LRRC63: variants seen among roughly 807,000 people sequenced by gnomAD.
LRRC63 encodes leucine-rich repeat-containing protein 63.
A neutral mutation model predicts 49.5 loss-of-function variants in LRRC63; 40 were observed. That is an observed-to-expected ratio of 0.81 (90% CI 0.63 to 1.05). The LOEUF (loss-of-function observed/expected upper bound fraction) is 1.05. Among genes scored for constraint, LRRC63 ranks in the 50% least tolerant of loss-of-function variants. The pLI is 0.00. For synonymous variants in LRRC63, 191 were observed against 221.1 expected (o/e 0.86, Z 1.21); for missense variants, 636 against 663.1 (o/e 0.96, Z 0.45).
At chr13:46,257,474 C>T (rs1425388163) in intron 7 of LRRC63, among the ~76,000 whole-genome samples, 1 of 103,244 alleles carries the variant, frequency 9.7e-6, no homozygotes, top group Non-Finnish European at 1.7e-5. Flanking sequence ...TCAAAGATTT[C>T]AACTCTTGTG....
chr13:46,246,185 A>G (rs773301259), intron 5 of LRRC63, among the ~76,000 whole-genome samples: 1 of 152,166 alleles, frequency 6.6e-6, no homozygotes, highest in Non-Finnish European at 1.5e-5. Flanking sequence ...AGGCCTCCCC[A>G]GAAGCTGAGC....
chr13:46,234,966 A>G (rs2046865226), intron 5 of LRRC63, among the ~76,000 whole-genome samples: 1 of 152,194 alleles, frequency 6.6e-6, no homozygotes, highest in Non-Finnish European at 1.5e-5. Flanking sequence ...AGTTGTAAAA[A>G]TAGGAAAAGC....
chr13:46,213,231 G>A (rs1442146748), intron 2 of LRRC63, 112 bp downstream of exon 2: 3 of 654,250 alleles, frequency 4.6e-6, no homozygotes, highest in Non-Finnish European at 7.5e-6. Context: ...ACTTACAAAT[G>A]TTTGTTGTCA....
At position 46,228,134 on chromosome 13, in the gene LRRC63, TG is replaced by T; in HGVS notation, c.709del (p.Val237PhefsTer17). On this transcript the variant is annotated frameshift_variant, in exon 3 of 10. Coordinates refer to ENST00000595396, the Ensembl canonical transcript of LRRC63. LOFTEE classifies it high-confidence loss of function. ...TAAGAGTTACTGAATTTCCAGGTTT[TG>T]TTTCCTTGCCAACACCAGTTTTACC... 6.4e-7 allele frequency: 1 copy of T among 1,550,402 alleles called. No individual in the cohort carries two copies. Among genetic ancestry groups the T allele is most frequent in the Non-Finnish European group, 8.7e-7 (1 of 1,146,906 alleles).
chr13:46,223,196 A>C (rs2046459340), intron 2 of LRRC63, among the ~76,000 whole-genome samples: 1 of 151,948 alleles, frequency 6.6e-6, no homozygotes, highest in Admixed American at 6.6e-5. Context: ...ATGTACCCTA[A>C]AACTTAAAGT....
intron 5 of LRRC63, among the ~76,000 whole-genome samples, chr13:46,238,879 C>T (rs954629792): frequency 1.3e-5 from 2 of 152,168 alleles, no homozygotes; most frequent in African/African-American, 2.4e-5. Context: ...ATGACATGCT[C>T]CTGAATGACT....
chr13:46,276,640 G>A (rs376535232), exon 10 of LRRC63: 108 of 1,230,944 alleles, frequency 8.8e-5, no homozygotes, highest in Middle Eastern at 6.2e-4. Context: ...GAAGGTTTTC[G>A]TGTCATCCGA....
intron 2 of LRRC63, among the ~76,000 whole-genome samples, chr13:46,220,591 C>A (rs181293063): frequency 7.6e-4 from 116 of 152,098 alleles, no homozygotes; most frequent in African/African-American, 2.5e-3. Flanking sequence ...GGCTTCAGCC[C>A]CCTTTCCAGG....
At chr13:46,215,081 A>C (rs2046210171) in intron 2 of LRRC63, among the ~76,000 whole-genome samples, 1 of 152,224 alleles carries the variant, frequency 6.6e-6, no homozygotes, top group Non-Finnish European at 1.5e-5. Flanking sequence ...ATACGTGTGC[A>C]TGTGTCTTTA....
chr13:46,212,029 A>G (rs1030142484), exon 1 of LRRC63: 3 of 152,420 alleles, frequency 2.0e-5, no homozygotes, highest in African/African-American at 7.2e-5. Context: ...AGCCTCCTGC[A>G]GGAAGACCCT....
intron 7 of LRRC63, among the ~76,000 whole-genome samples, chr13:46,256,880 G>A (rs1270543395): frequency 6.6e-6 from 1 of 152,154 alleles, no homozygotes; most frequent in Non-Finnish European, 1.5e-5. Context: ...CTGTGATAGG[G>A]CGAATAATGG....
At chr13:46,263,391 G>T (rs1442833277) in intron 8 of LRRC63, among the ~76,000 whole-genome samples, 6 of 151,922 alleles carry the variant, frequency 3.9e-5, no homozygotes, top group African/African-American at 1.5e-4. Context: ...GCCCAAGCTG[G>T]TCTCAAACTC....
At chr13:46,240,014 A>T (rs1174086321) in intron 5 of LRRC63, among the ~76,000 whole-genome samples, 1 of 152,156 alleles carries the variant, frequency 6.6e-6, no homozygotes, top group Non-Finnish European at 1.5e-5. Context: ...AAATAATAAG[A>T]GCCACCTATG....
At chr13:46,272,944 G>A (rs1023542082) in intron 9 of LRRC63, among the ~76,000 whole-genome samples, 1 of 152,184 alleles carries the variant, frequency 6.6e-6, no homozygotes, top group Non-Finnish European at 1.5e-5. Context: ...CAAGGGAAGA[G>A]CTTTAGTTAT....
chr13:46,236,514 A>G (rs2046909058), intron 5 of LRRC63, among the ~76,000 whole-genome samples: 1 of 152,164 alleles, frequency 6.6e-6, no homozygotes, highest in African/African-American at 2.4e-5. Context: ...AAGGAATGGG[A>G]TGACATCTTT....
At chr13:46,236,228 G>C (rs2046900600) in intron 5 of LRRC63, among the ~76,000 whole-genome samples, 1 of 152,002 alleles carries the variant, frequency 6.6e-6, no homozygotes, top group African/African-American at 2.4e-5. Flanking sequence ...GAAAAGAAGA[G>C]AGAGAGAGAG....
chr13:46,234,882 A>C (rs892724558), intron 5 of LRRC63, among the ~76,000 whole-genome samples: 1 of 152,206 alleles, frequency 6.6e-6, no homozygotes, highest in African/African-American at 2.4e-5. Flanking sequence ...GTTTGAACCC[A>C]GAACTTTCTG....
intron 2 of LRRC63, among the ~76,000 whole-genome samples, chr13:46,225,752 T>C (rs879546747): frequency 2.6e-5 from 4 of 152,190 alleles, no homozygotes; most frequent in Admixed American, 2.6e-4. Context: ...GTGGCATATG[T>C]ATCTCTCTAA....
chr13:46,241,216 A>G (rs1391333898), intron 5 of LRRC63, among the ~76,000 whole-genome samples: 1 of 152,220 alleles, frequency 6.6e-6, no homozygotes, highest in East Asian at 1.9e-4. Context: ...AAAACAAGCA[A>G]TGGGGAAAGG....
Sources: allele counts gnomAD v4.1 joint callset (sites outside exome capture counted in the v4.1 genomes callset), GRCh38; gene constraint gnomAD v4.1.1; transcripts MANE v1.5; gene names NCBI Gene and HGNC (gene_info 2026-07-23, HGNC 2026-07-21).